The following PLAC1 variants were observed in gnomAD, a reference collection of about 807,000 sequenced individuals.
PLAC1 encodes placenta associated 1.
For synonymous variants in PLAC1, 68 were observed against 62.1 expected (o/e 1.09, Z -0.44); for missense variants, 136 against 163.2 (o/e 0.83, Z 0.91).
intron 2 of PLAC1, among the ~76,000 whole-genome samples, chrX:134,567,268 G>A (rs922361830): frequency 1.4e-4 from 16 of 112,025 alleles, no homozygotes; most frequent in African/African-American, 4.9e-4. Flanking sequence ...AAATTTTGCC[G>A]AGTGGCTTAC....
intron 1 of PLAC1, among the ~76,000 whole-genome samples, chrX:134,629,087 C>T (rs1355881216): frequency 9.0e-6 from 1 of 111,652 alleles, no homozygotes; most frequent in Non-Finnish European, 1.9e-5. Context: ...CATGGCTCAC[C>T]ACAGCTTCAA....
intron 2 of PLAC1, among the ~76,000 whole-genome samples, chrX:134,670,906 T>C (rs1052271612): frequency 1.8e-5 from 2 of 112,342 alleles, no homozygotes; most frequent in Non-Finnish European, 3.8e-5. Flanking sequence ...TGGTGAGCAG[T>C]TGGGGATCTT....
intron 1 of PLAC1, among the ~76,000 whole-genome samples, chrX:134,628,333 G>A (rs998646506): frequency 8.9e-6 from 1 of 111,758 alleles, no homozygotes; most frequent in African/African-American, 3.3e-5. Context: ...CATCTCTCTT[G>A]TACTCCAGAA....
chrX:134,692,715 T>A (rs890053411), intron 2 of PLAC1, among the ~76,000 whole-genome samples: 1 of 111,451 alleles, frequency 9.0e-6, no homozygotes, highest in African/African-American at 3.3e-5. Flanking sequence ...CATAAATTAT[T>A]CCTTCAGAGT....
At chrX:134,638,658 T>A (rs1164690690) in intron 1 of PLAC1, among the ~76,000 whole-genome samples, 1 of 111,486 alleles carries the variant, frequency 9.0e-6, no homozygotes. Context: ...TGTGTCAACA[T>A]CTGCAGCATA....
chrX:134,577,155 AG>A (rs1297204390), intron 2 of PLAC1, among the ~76,000 whole-genome samples: 1 of 112,310 alleles, frequency 8.9e-6, no homozygotes, highest in Non-Finnish European at 1.9e-5. Context: ...TTAGAAAGAA[AG>A]GGGCCAGTTA....
intron 2 of PLAC1, among the ~76,000 whole-genome samples, chrX:134,674,011 T>C (rs1173495149): frequency 8.9e-6 from 1 of 112,933 alleles, no homozygotes; most frequent in Non-Finnish European, 1.9e-5. Flanking sequence ...CACCCTTTGC[T>C]TTTTTGAAGC....
intron 1 of PLAC1, among the ~76,000 whole-genome samples, chrX:134,756,502 A>G (rs2078757561): frequency 1.8e-5 from 2 of 111,134 alleles, no homozygotes; most frequent in African/African-American, 6.5e-5. Context: ...AGTTGTGCCA[A>G]TAGAATTTAT....
chrX:134,692,330 G>A (rs965860778), intron 2 of PLAC1, among the ~76,000 whole-genome samples: 1 of 111,651 alleles, frequency 9.0e-6, no homozygotes, highest in Non-Finnish European at 1.9e-5. Flanking sequence ...TAAAGATAGA[G>A]GCTGTTTCTC....
chrX:134,588,936 C>T (rs1199444729), intron 2 of PLAC1, among the ~76,000 whole-genome samples: 1 of 111,333 alleles, frequency 9.0e-6, no homozygotes, highest in East Asian at 2.8e-4. Flanking sequence ...ATGCGGGGAA[C>T]CTAGGTGGCC....
chrX:134,632,212 G>A (rs964712035), intron 1 of PLAC1, among the ~76,000 whole-genome samples: 1 of 111,586 alleles, frequency 9.0e-6, no homozygotes, highest in African/African-American at 3.3e-5. Context: ...GCTGGGCAAA[G>A]TCCCCTCAGC....
At chrX:134,656,154 T>C (rs2078390591) in intron 1 of PLAC1, among the ~76,000 whole-genome samples, 1 of 112,131 alleles carries the variant, frequency 8.9e-6, no homozygotes, top group African/African-American at 3.2e-5. Flanking sequence ...GTCACTCCTA[T>C]CTGGAAAACC....
At chrX:134,598,854 T>C (rs1430164757) in intron 2 of PLAC1, among the ~76,000 whole-genome samples, 2 of 111,527 alleles carry the variant, frequency 1.8e-5, no homozygotes, top group Non-Finnish European at 3.8e-5. Flanking sequence ...ACTTTGTACC[T>C]GATTAGCTTG....
chrX:134,723,371 G>A (rs1225890796), intron 2 of PLAC1, among the ~76,000 whole-genome samples: 1 of 107,644 alleles, frequency 9.3e-6, no homozygotes, highest in East Asian at 2.9e-4. Flanking sequence ...GCAGTGGCAG[G>A]ATCATGGCTC....
chrX:134,572,135 T>C lies in PLAC1; in HGVS notation c.-58-5395A>G, dbSNP rs192604614. ...TGCAGCTGATTTAAAGAAAAATGAA[T>C]CTGAGTCAGAATAAAGATTCTTTTA... is the stretch of plus-strand genomic sequence containing the variant. On this transcript the variant is annotated intron_variant, in intron 2 of 2. Coordinates refer to ENST00000359237, the MANE Select transcript of PLAC1 (RefSeq NM_021796.4). Among the ~76,000 whole-genome samples the C allele has an allele frequency of 1.8e-4, 20 of 111,317 alleles. 1 individual carries two copies. In the East Asian group the frequency reaches 3.1e-3, roughly 17 times the overall value.
intron 2 of PLAC1, among the ~76,000 whole-genome samples, chrX:134,587,805 C>T (rs2078013016): frequency 8.9e-6 from 1 of 111,910 alleles, no homozygotes; most frequent in African/African-American, 3.3e-5. Flanking sequence ...TGCCGTGGCT[C>T]GCAGGCATCT....
At chrX:134,654,781 C>G (rs1330759488) in intron 1 of PLAC1, among the ~76,000 whole-genome samples, 1 of 112,477 alleles carries the variant, frequency 8.9e-6, no homozygotes, top group East Asian at 2.8e-4. Flanking sequence ...GCTCGCTTAG[C>G]TGACGTCTGT....
intron 2 of PLAC1, among the ~76,000 whole-genome samples, chrX:134,704,781 A>G (rs2078596614): frequency 9.6e-6 from 1 of 103,920 alleles, no homozygotes; most frequent in Admixed American, 1.1e-4. Flanking sequence ...TCACGAGGTC[A>G]GGAGTTAGAG....
At chrX:134,602,009 G>C (rs1359195549) in intron 2 of PLAC1, 42 bp downstream of exon 2, 1 of 112,209 alleles carries the variant, frequency 8.9e-6, no homozygotes, top group African/African-American at 3.3e-5. Flanking sequence ...TTAACCTGTT[G>C]GTTATCAGAG....
Sources: gnomAD v4.1 joint callset for allele counts (sites outside exome capture counted in the v4.1 genomes callset) on GRCh38, gnomAD v4.1.1 for gene constraint, MANE v1.5 for transcripts, NCBI Gene and HGNC (gene_info 2026-07-23, HGNC 2026-07-21) for gene names.